Variants in STIL observed in about 807,000 individuals in gnomAD.
STIL encodes the protein SCL-interrupting locus protein.
In STIL, 55 loss-of-function variants were observed where a neutral mutation model predicts 110.1. The observed-to-expected ratio is 0.50, with a 90% CI of 0.40 to 0.63. The LOEUF is 0.63. STIL is among the 20% of genes least tolerant of loss of function. STIL has a pLI of 0.00. For synonymous variants in STIL, 481 were observed against 530.0 expected, an observed-to-expected ratio of 0.91 and a Z score of 1.27; for missense variants, 1,358 against 1,530.0, an observed-to-expected ratio of 0.89 and a Z score of 1.87.
In STIL at chr1:47,289,535, T is replaced by C. The variant is rs753511515; in HGVS notation, c.923A>G (p.His308Arg). 4.3e-6 allele frequency: 7 copies of C among 1,613,918 alleles called. No individual in the cohort carries two copies. The highest frequency in any genetic ancestry group is 5.9e-6 in the Non-Finnish European group (7 of 1,179,832). Reference sequence around the variant, plus strand: ...GCATTCATAAAACTCAGGTTCCTTATGTGTCATAGAATAGAGAACTATGAT... The same window carrying C: ...GCATTCATAAAACTCAGGTTCCTTACGTGTCATAGAATAGAGAACTATGAT... ...NFIIVLYSMTHKEPEFYECFP... is the reference protein window; with the variant it reads ...NFIIVLYSMTRKEPEFYECFP... Residue 308 changes from histidine (H) to arginine (R), a missense_variant, in exon 9 of 17, where the codon CAT becomes CGT. Physicochemically the swap from His to Arg is conservative, Grantham distance 29. Transcript: ENST00000371877.
Position 47,280,446 on chromosome 1 carries a change from A to G in STIL, c.2012T>C (p.Met671Thr), listed in dbSNP as rs1272367306. Residue 671 changes from methionine (M) to threonine (T), a missense_variant, in exon 12 of 17, where the codon ATG (methionine) becomes ACG (threonine). Physicochemically the swap from Met to Thr is moderately conservative, Grantham distance 81 (BLOSUM62 -1). Transcript: ENST00000371877. The stretch of plus-strand genomic sequence containing the variant: ...ATTGCTGTGGGGAGAACAACTGCCC[A>G]TATCTCCCTGAGGTCTCAAGGCTAT... The part of the protein sequence containing the change: ...SPIALRPQGD[M>T]GSCSPHSNIE... The G allele has an allele frequency of 3.1e-6, 5 of 1,614,110 alleles. No individual in the cohort carries two copies. The highest frequency in any genetic ancestry group is 3.4e-6 in the Non-Finnish European group (4 of 1,180,044).
chr1:47,258,154 G>C (rs867763461), intron 16 of STIL, among the ~76,000 whole-genome samples: 9 of 152,336 alleles, frequency 5.9e-5, no homozygotes, highest in Admixed American at 2.0e-4. Flanking sequence ...TTGGTTCTCA[G>C]TTCTGACAAG....
chr1:47,270,942 G>C (rs926628562), intron 13 of STIL, among the ~76,000 whole-genome samples: 14 of 152,050 alleles, frequency 9.2e-5, no homozygotes, highest in Non-Finnish European at 1.9e-4. Context: ...ACCTCCCAAA[G>C]TGCAAACATT....
chr1:47,273,717 G>A (rs543196493), intron 12 of STIL, among the ~76,000 whole-genome samples: 2 of 152,212 alleles, frequency 1.3e-5, no homozygotes, highest in African/African-American at 4.8e-5. Context: ...TATGTAACTA[G>A]GAGTGGAAGA....
At chr1:47,285,783 G>A (rs1645280254) in intron 10 of STIL, among the ~76,000 whole-genome samples, 1 of 151,454 alleles carries the variant, frequency 6.6e-6, no homozygotes, top group Non-Finnish European at 1.5e-5. Context: ...TACCACAAAA[G>A]GTAGAATATG....
chr1:47,294,817 T>A (rs979205868), intron 7 of STIL, among the ~76,000 whole-genome samples: 17 of 152,246 alleles, frequency 1.1e-4, no homozygotes, highest in African/African-American at 3.1e-4. Context: ...GGTATTATTA[T>A]GAGCCCTGAG....
At chr1:47,270,540 T>C (rs773135189) in intron 13 of STIL, among the ~76,000 whole-genome samples, 13 of 151,892 alleles carry the variant, frequency 8.6e-5, no homozygotes, top group Admixed American at 2.0e-4. Context: ...ATATATAAAA[T>C]ACAAATCCCT....
At chr1:47,258,366 T>C (rs936011741) in intron 16 of STIL, among the ~76,000 whole-genome samples, 1 of 152,228 alleles carries the variant, frequency 6.6e-6, no homozygotes, top group Non-Finnish European at 1.5e-5. Context: ...AAGATACTTG[T>C]ACCTGTAGAA....
chr1:47,251,726 G>A lies in STIL; in HGVS notation c.3277C>T (p.Pro1093Ser). ...VTRSNQNNCDPFSLLHINTDR... is the reference protein window; with the variant it reads ...VTRSNQNNCDSFSLLHINTDR... Reference sequence around the variant, plus strand: ...GTATTAATATGGAGAAGGCTGAATGGGTCACAATTATTTTGGTTCGATCGA... The same window carrying A: ...GTATTAATATGGAGAAGGCTGAATGAGTCACAATTATTTTGGTTCGATCGA... Residue 1093 changes from proline to serine, a missense_variant, in exon 17 of 17, where the codon CCA becomes TCA. Coordinates refer to ENST00000371877, the MANE Select transcript of STIL (RefSeq NM_001048166.1). 2.5e-6 allele frequency: 4 copies of A among 1,614,062 alleles called. No homozygotes were observed. Among genetic ancestry groups the A allele is most frequent in the Non-Finnish European group, 3.4e-6 (4 of 1,180,018 alleles).
chr1:47,273,846 T>C (rs539433770), intron 12 of STIL, among the ~76,000 whole-genome samples: 3 of 152,310 alleles, frequency 2.0e-5, no homozygotes, highest in African/African-American at 7.2e-5. Context: ...CAATCAATTA[T>C]TAAGGTCAGT....
rs780379722 is a variant in STIL at position 47,300,161 on chromosome 1, T to TC, written c.454-10dup. ...ATATGGCACTGTAGAGCCTGAGAAA[T>TC]CAATATTAAATAATTATTTTAAAAC... On this transcript the variant is annotated splice_polypyrimidine_tract_variant and intron_variant, in intron 5 of 16. Coordinates refer to ENST00000371877, the MANE Select transcript of STIL (RefSeq NM_001048166.1). 9.3e-6 allele frequency: 15 copies of TC among 1,611,444 alleles called. No homozygotes were observed. Among genetic ancestry groups the TC allele is most frequent in the Admixed American group, 1.7e-5 (1 of 59,666 alleles).
chr1:47,286,021 C>T (rs1233960439), intron 10 of STIL, among the ~76,000 whole-genome samples: 6 of 151,464 alleles, frequency 4.0e-5, no homozygotes, highest in South Asian at 2.1e-4. Context: ...ATTACAGGCA[C>T]GCTCCAGTGC....
chr1:47,271,982 G>A, intron 13 of STIL, 94 bp downstream of exon 13: 1 of 1,380,242 alleles, frequency 7.2e-7, no homozygotes, highest in Non-Finnish European at 1.0e-6. Context: ...TGGTCCTACT[G>A]CACCATGCAC....
intron 3 of STIL, among the ~76,000 whole-genome samples, chr1:47,304,533 C>T (rs375864784): frequency 1.3e-5 from 2 of 152,290 alleles, no homozygotes; most frequent in South Asian, 4.1e-4. Flanking sequence ...GATGTAACTA[C>T]AAGATTTTAT....
Position 47,280,910 on chromosome 1 carries a change from G to C in STIL, c.1548C>G (p.Pro516=), listed in dbSNP as rs375423064. The change falls in exon 12 of 17, where the codon CCC becomes CCG. Residue 516 remains proline (P), a synonymous_variant. Transcript: ENST00000371877. The part of the protein sequence containing the change: ...RQPPAYKKGN[P]HTRNSIKPSS... The stretch of plus-strand genomic sequence containing the variant: ...ATGGTTTAATACTGTTCCTGGTATG[G>C]GGGTTCCCTTTCTTATAGGCAGGTG... 25 of 1,614,030 alleles carry C rather than the reference G, an allele frequency of 1.5e-5. No individual in the cohort carries two copies. The highest frequency in any genetic ancestry group is 2.0e-5 in the Non-Finnish European group (24 of 1,180,018).
rs10789505 is a variant in STIL, at chr1:47,281,006, G to C, written c.1452C>G (p.Ser484=). The change falls in exon 12 of 17, where the codon TCC becomes TCG. Residue 484 remains serine (S), a synonymous_variant. Coordinates refer to ENST00000371877, the MANE Select transcript of STIL (RefSeq NM_001048166.1). ...TTAACTGATTTGGTATTCCTCTCAA[G>C]GAAGGCTCTCCAGCTTCAACTTCTG... ...HSPEVEAGEP[S]LRGIPNQLNQ... The C allele has an allele frequency of 0.1, 168,087 of 1,613,872 alleles. 13,299 individuals are homozygous for C. The highest frequency in any genetic ancestry group is 0.36 in the African/African-American group (26,662 of 74,906).
At chr1:47,281,533 T>C (rs1320008351) in intron 11 of STIL, among the ~76,000 whole-genome samples, 1 of 152,128 alleles carries the variant, frequency 6.6e-6, no homozygotes, top group African/African-American at 2.4e-5. Context: ...CTGTTTTATA[T>C]AACTTTTTAA....
At chr1:47,262,860 AAATAAC>A (rs1256244841) in intron 15 of STIL, 37 bp downstream of exon 15, 1 of 1,587,244 alleles carries the variant, frequency 6.3e-7, no homozygotes, top group Non-Finnish European at 8.7e-7. Context: ...ATCCTATACT[AAATAAC>A]CTTCTCAAAA....
chr1:47,307,107 C>T (rs543245061), intron 2 of STIL, among the ~76,000 whole-genome samples: 5 of 152,280 alleles, frequency 3.3e-5, no homozygotes, highest in South Asian at 2.1e-4. Flanking sequence ...GCCAAGATCA[C>T]GCCACCCCAC....
Sources: gnomAD v4.1 joint callset for allele counts (sites outside exome capture counted in the v4.1 genomes callset) on GRCh38, gnomAD v4.1.1 for gene constraint, MANE v1.5 for transcripts, NCBI Gene and HGNC (gene_info 2026-07-23, HGNC 2026-07-21) for gene names.